ZNF385D: variants seen among roughly 807,000 people sequenced by gnomAD.
ZNF385D encodes the protein zinc finger protein 385D, also known as zinc finger protein 659.
A neutral mutation model predicts 35.8 loss-of-function variants in ZNF385D; 15 were observed. The observed-to-expected ratio is 0.42, with a 90% CI of 0.28 to 0.64. The LOEUF is 0.64. Among genes scored for constraint, ZNF385D ranks in the 30% least tolerant of loss-of-function variants. The pLI, the probability that ZNF385D is intolerant of heterozygous loss-of-function variation, is 0.23. For synonymous variants in ZNF385D, 212 were observed against 186.8 expected (o/e 1.13, Z -1.10); for missense variants, 474 against 494.6 (o/e 0.96, Z 0.39).
At chr3:22,118,038 A>G (rs75652083) in intron 3 of ZNF385D, among the ~76,000 whole-genome samples, 1 of 152,114 alleles carries the variant, frequency 6.6e-6, no homozygotes, top group Non-Finnish European at 1.5e-5. Context: ...GTGATTTGTA[A>G]CAGACGCACA....
intron 2 of ZNF385D, among the ~76,000 whole-genome samples, chr3:22,286,898 G>A (rs1306020256): frequency 1.3e-5 from 2 of 152,072 alleles, no homozygotes; most frequent in African/African-American, 2.4e-5. Flanking sequence ...TCCATCTGCT[G>A]TAAAGTGTAG....
intron 3 of ZNF385D, among the ~76,000 whole-genome samples, chr3:21,878,647 G>A (rs942389843): frequency 1.3e-5 from 2 of 151,950 alleles, no homozygotes; most frequent in African/African-American, 4.8e-5. Flanking sequence ...GCACTGTAAT[G>A]AAACATATTT....
chr3:21,900,592 C>T (rs543335983), intron 3 of ZNF385D, among the ~76,000 whole-genome samples: 1 of 152,166 alleles, frequency 6.6e-6, no homozygotes, highest in Admixed American at 6.5e-5. Flanking sequence ...GCAATAGATA[C>T]ATGGGGCCAG....
chr3:21,842,495 TCAAG>T (rs1192770908), intron 3 of ZNF385D, among the ~76,000 whole-genome samples: 1 of 152,006 alleles, frequency 6.6e-6, no homozygotes, highest in Non-Finnish European at 1.5e-5. Context: ...AAAGATGACT[TCAAG>T]CCCCATTTGG....
chr3:21,980,499 C>T (rs542209190), intron 3 of ZNF385D, among the ~76,000 whole-genome samples: 1 of 152,224 alleles, frequency 6.6e-6, no homozygotes, highest in African/African-American at 2.4e-5. Context: ...AACACAACAA[C>T]TCTTGGAATG....
chr3:22,130,983 C>A (rs1433963544), intron 3 of ZNF385D, among the ~76,000 whole-genome samples: 3 of 151,428 alleles, frequency 2.0e-5, no homozygotes, highest in Admixed American at 2.0e-4. Flanking sequence ...GAAGACAGAT[C>A]CAGGCTAAAA....
At chr3:21,735,459 T>C (rs2069199495) in intron 1 of ZNF385D, among the ~76,000 whole-genome samples, 1 of 152,096 alleles carries the variant, frequency 6.6e-6, no homozygotes, top group African/African-American at 2.4e-5. Flanking sequence ...TAAGGTGAAG[T>C]ATATAAGGTG....
At chr3:22,122,769 G>A (rs1703161664) in intron 3 of ZNF385D, among the ~76,000 whole-genome samples, 1 of 152,170 alleles carries the variant, frequency 6.6e-6, no homozygotes, top group African/African-American at 2.4e-5. Context: ...GCTAAAGGGG[G>A]TGAAGAAATG....
chr3:21,683,779 G>C (rs918202293), intron 1 of ZNF385D, among the ~76,000 whole-genome samples: 3 of 150,124 alleles, frequency 2.0e-5, no homozygotes, highest in African/African-American at 7.4e-5. Flanking sequence ...TGGTCTCTGG[G>C]AGCTAAGAGT....
intron 3 of ZNF385D, among the ~76,000 whole-genome samples, chr3:21,808,556 G>C (rs1217780992): frequency 6.6e-6 from 1 of 152,222 alleles, no homozygotes; most frequent in Non-Finnish European, 1.5e-5. Flanking sequence ...TGCCTTGCAA[G>C]TGCTTGTGCC....
chr3:21,708,988 T>C (rs960827916), intron 1 of ZNF385D, among the ~76,000 whole-genome samples: 9 of 152,162 alleles, frequency 5.9e-5, no homozygotes, highest in African/African-American at 1.9e-4. Flanking sequence ...AAAGCTTCCA[T>C]GGTAGAAGAA....
intron 3 of ZNF385D, among the ~76,000 whole-genome samples, chr3:22,063,501 G>C (rs993925891): frequency 6.6e-6 from 1 of 152,116 alleles, no homozygotes; most frequent in East Asian, 1.9e-4. Context: ...TGTAAAATGA[G>C]TATAACACTT....
At chr3:21,908,629 A>G (rs141589629) in intron 3 of ZNF385D, among the ~76,000 whole-genome samples, 1 of 152,220 alleles carries the variant, frequency 6.6e-6, no homozygotes, top group Non-Finnish European at 1.5e-5. Context: ...TGGAACCTGT[A>G]AGTCAGGACT....
chr3:21,622,094 G>A (rs1575339747), intron 2 of ZNF385D, among the ~76,000 whole-genome samples: 1 of 152,030 alleles, frequency 6.6e-6, no homozygotes, highest in Non-Finnish European at 1.5e-5. Context: ...GGGACCATGA[G>A]CTTCCACTCA....
intron 2 of ZNF385D, among the ~76,000 whole-genome samples, chr3:22,196,708 CATTT>C (rs1289774013): frequency 2.6e-5 from 4 of 151,968 alleles, no homozygotes; most frequent in Non-Finnish European, 5.9e-5. Flanking sequence ...TGTTTTACGT[CATTT>C]ATTACAATTC....
chr3:21,884,405 A>G (rs1460310607), intron 3 of ZNF385D, among the ~76,000 whole-genome samples: 2 of 151,858 alleles, frequency 1.3e-5, no homozygotes, highest in African/African-American at 2.4e-5. Flanking sequence ...TTTCTATCCA[A>G]TATTTATCCC....
chr3:22,347,126 T>C (rs1695694490), intron 2 of ZNF385D, among the ~76,000 whole-genome samples: 1 of 152,198 alleles, frequency 6.6e-6, no homozygotes, highest in Admixed American at 6.5e-5. Context: ...CCATATTGTA[T>C]GTTTTCATTA....
intron 3 of ZNF385D, among the ~76,000 whole-genome samples, chr3:22,046,523 T>G (rs1699016909): frequency 6.6e-6 from 1 of 152,208 alleles, no homozygotes; most frequent in Non-Finnish European, 1.5e-5. Context: ...TGGAATGTTT[T>G]AAGAGCTACC....
intron 5 of ZNF385D, 28 bp from the exon 6 acceptor site, chr3:21,425,698 G>A (rs1255107212): frequency 4.1e-6 from 6 of 1,472,342 alleles, no homozygotes; most frequent in African/African-American, 2.9e-5. Flanking sequence ...ATGAAGGAAG[G>A]AAAGGAGGGA....
Sources: allele counts gnomAD v4.1 joint callset (sites outside exome capture counted in the v4.1 genomes callset), GRCh38; gene constraint gnomAD v4.1.1; transcripts MANE v1.5; gene names NCBI Gene and HGNC (gene_info 2026-07-23, HGNC 2026-07-21).